Variants in HCN1 observed in about 807,000 individuals in gnomAD.
HCN1 encodes the protein potassium/sodium hyperpolarization-activated cyclic nucleotide-gated channel 1.
Under a neutral mutation model 78.9 loss-of-function variants are expected in HCN1, and 13 were observed. The ratio of observed to expected loss-of-function variants is 0.16; its 90% confidence interval spans 0.11 to 0.26. HCN1 has a LOEUF of 0.26. Ranked by LOEUF, HCN1 falls within the 10% of genes least tolerant of loss-of-function variation. The probability of loss-of-function intolerance (pLI) is 1.00; values close to 1 mark genes in which losing one functional copy is unlikely to be tolerated. For synonymous variants in HCN1, 552 were observed against 455.5 expected (o/e 1.21, Z -2.70); for missense variants, 810 against 1,154.3 (o/e 0.70, Z 4.32).
At chr5:45,276,317 C>G (rs919985529) in intron 6 of HCN1, among the ~76,000 whole-genome samples, 1 of 152,064 alleles carries the variant, frequency 6.6e-6, no homozygotes, top group African/African-American at 2.4e-5. Context: ...AGAATGGATT[C>G]ATTAGTGCAG....
chr5:45,441,885 A>G (rs1188638835), intron 3 of HCN1, among the ~76,000 whole-genome samples: 1 of 152,134 alleles, frequency 6.6e-6, no homozygotes, highest in Non-Finnish European at 1.5e-5. Flanking sequence ...GAAAACCCTT[A>G]ATGCTCAACA....
At chr5:45,581,110 C>G (rs1216831641) in intron 2 of HCN1, among the ~76,000 whole-genome samples, 2 of 152,206 alleles carry the variant, frequency 1.3e-5, no homozygotes, top group African/African-American at 2.4e-5. Context: ...GAGCAATCGC[C>G]ACACTGACTT....
At chr5:45,528,727 A>G (rs956532491) in intron 2 of HCN1, among the ~76,000 whole-genome samples, 2 of 151,972 alleles carry the variant, frequency 1.3e-5, no homozygotes, top group African/African-American at 4.8e-5. Flanking sequence ...CCCCCACACT[A>G]TCTTCAAAAT....
Position 45,378,189 on chromosome 5 carries a change from G to C in HCN1, c.1230+18303C>G, listed in dbSNP as rs370362119. ...CATATTTTATACCTAGTTAGCAAATGTCAGGAAGAAAACCAGGGTTCCAAT... is the reference window on the plus strand; with the variant it reads ...CATATTTTATACCTAGTTAGCAAATCTCAGGAAGAAAACCAGGGTTCCAAT... On this transcript the variant is annotated intron_variant, in intron 4 of 7. Transcript: ENST00000303230. Among the ~76,000 whole-genome samples, 14 of 152,048 alleles carry C rather than the reference G, an allele frequency of 9.2e-5. No individual in the cohort carries two copies. The East Asian group carries it at 2.7e-3, about 30-fold the overall frequency.
rs184813992 is a variant in HCN1, at chr5:45,633,532, A to G, written c.849+11653T>C. On this transcript the variant is annotated intron_variant, in intron 2 of 7. Coordinates refer to ENST00000303230, the MANE Select transcript of HCN1 (RefSeq NM_021072.4). ...CGAAATATTCTATTCAATAATTCAC[A>G]ATACATGAGAATTCATACATATTTG... Among the ~76,000 whole-genome samples, 502 of 152,124 alleles carry G rather than the reference A, an allele frequency of 3.3e-3. 4 individuals carry two copies. The highest frequency in any genetic ancestry group is 1.8e-3 in the Non-Finnish European group (123 of 67,910).
intron 2 of HCN1, chr5:45,575,731 T>C (rs1001620893): frequency 1.3e-5 from 2 of 152,182 alleles, no homozygotes; most frequent in African/African-American, 4.8e-5. Context: ...TCTTTCAAAA[T>C]ATCACTGCTC....
chr5:45,478,939 T>C (rs1741584018), intron 2 of HCN1, among the ~76,000 whole-genome samples: 2 of 151,934 alleles, frequency 1.3e-5, no homozygotes, highest in South Asian at 4.1e-4. Context: ...CTGGCCAACA[T>C]GGTTAAACCC....
At chr5:45,435,254 G>C (rs1740539411) in intron 3 of HCN1, among the ~76,000 whole-genome samples, 1 of 152,012 alleles carries the variant, frequency 6.6e-6, no homozygotes, top group Non-Finnish European at 1.5e-5. Context: ...TTGATACGAT[G>C]ACTGAAGCTT....
chr5:45,637,386 G>A (rs1237804658), intron 2 of HCN1, among the ~76,000 whole-genome samples: 2 of 151,752 alleles, frequency 1.3e-5, no homozygotes, highest in Non-Finnish European at 2.9e-5. Context: ...TTCCATTGAG[G>A]GAATAACTGA....
chr5:45,364,359 C>T (rs1747190051), intron 4 of HCN1, among the ~76,000 whole-genome samples: 1 of 152,176 alleles, frequency 6.6e-6, no homozygotes, highest in Non-Finnish European at 1.5e-5. Flanking sequence ...TCCCTTTAAA[C>T]ATCTACCCTT....
intron 3 of HCN1, among the ~76,000 whole-genome samples, chr5:45,404,259 C>G (rs868625530): frequency 3.3e-5 from 5 of 151,870 alleles, no homozygotes; most frequent in Non-Finnish European, 1.5e-5. Context: ...ATATTATATG[C>G]GAATGGGAGA....
intron 2 of HCN1, among the ~76,000 whole-genome samples, chr5:45,475,613 G>T (rs1431327736): frequency 2.6e-5 from 4 of 151,958 alleles, no homozygotes; most frequent in African/African-American, 4.8e-5. Flanking sequence ...CGTCCAAAAG[G>T]TTACTATCAT....
intron 5 of HCN1, among the ~76,000 whole-genome samples, chr5:45,317,800 A>C (rs1341047725): frequency 9.2e-5 from 14 of 152,352 alleles, no homozygotes. Flanking sequence ...TGCAGCCAAC[A>C]GACACATGAA....
chr5:45,377,027 A>C (rs1441093609), intron 4 of HCN1, among the ~76,000 whole-genome samples: 1 of 152,034 alleles, frequency 6.6e-6, no homozygotes, highest in Non-Finnish European at 1.5e-5. Context: ...TTGGACAAGA[A>C]AGTAATTATA....
At chr5:45,683,588 T>C (rs138587702) in intron 1 of HCN1, among the ~76,000 whole-genome samples, 93 of 152,130 alleles carry the variant, frequency 6.1e-4, no homozygotes, top group African/African-American at 1.9e-3. Context: ...CAGTTGTTTA[T>C]AGAGAATTCT....
intron 2 of HCN1, among the ~76,000 whole-genome samples, chr5:45,600,805 CCTAA>C (rs1744607085): frequency 6.6e-6 from 1 of 152,102 alleles, no homozygotes; most frequent in African/African-American, 2.4e-5. Flanking sequence ...ATTGGGGACT[CCTAA>C]CTTCTATATG....
At chr5:45,296,438 C>T (rs969896468) in intron 6 of HCN1, among the ~76,000 whole-genome samples, 1 of 151,458 alleles carries the variant, frequency 6.6e-6, no homozygotes, top group African/African-American at 2.4e-5. Flanking sequence ...AATATGACAC[C>T]AAATTTGTAT....
intron 4 of HCN1, among the ~76,000 whole-genome samples, chr5:45,372,650 T>C (rs954873736): frequency 8.6e-6 from 1 of 115,748 alleles, no homozygotes; most frequent in Admixed American, 9.1e-5. Flanking sequence ...TATAAAAATA[T>C]ATAAAACATT....
intron 3 of HCN1, among the ~76,000 whole-genome samples, chr5:45,445,611 C>A (rs189801550): frequency 5.3e-5 from 8 of 152,096 alleles, no homozygotes; most frequent in African/African-American, 1.4e-4. Flanking sequence ...CCCTGACACC[C>A]GAGCAGCCTA....
Sources: gnomAD v4.1 joint callset for allele counts (sites outside exome capture counted in the v4.1 genomes callset) on GRCh38, gnomAD v4.1.1 for gene constraint, MANE v1.5 for transcripts, NCBI Gene and HGNC (gene_info 2026-07-23, HGNC 2026-07-21) for gene names.